Variants in NRXN3 observed in about 807,000 individuals in gnomAD.
NRXN3 encodes neurexin 3.
In NRXN3, 32 loss-of-function variants were observed where a neutral mutation model predicts 137.6. That is an observed-to-expected ratio of 0.23 (90% confidence interval 0.18 to 0.31). The LOEUF (loss-of-function observed/expected upper bound fraction) is 0.31, where lower values mean the gene tolerates loss of function less well. Among genes scored for constraint, NRXN3 ranks in the 10% least tolerant of loss-of-function variants. The probability of loss-of-function intolerance (pLI) is 1.00; values close to 1 mark genes in which losing one functional copy is unlikely to be tolerated. For synonymous variants in NRXN3, 798 were observed against 784.5 expected (o/e 1.02, Z -0.29); for missense variants, 1,574 against 2,062.5 (o/e 0.76, Z 4.59).
At chr14:78,747,230 C>A (rs1244162353) in intron 8 of NRXN3, among the ~76,000 whole-genome samples, 1 of 152,162 alleles carries the variant, frequency 6.6e-6, no homozygotes. Context: ...AAATCCTATG[C>A]GGATGTAGGT....
chr14:78,504,901 G>A (rs570894357), intron 4 of NRXN3, among the ~76,000 whole-genome samples: 3 of 152,158 alleles, frequency 2.0e-5, no homozygotes, highest in South Asian at 2.1e-4. Flanking sequence ...CATTCCATCC[G>A]GGCCCGACAA....
chr14:78,489,125 C>A (rs1269296083), intron 4 of NRXN3, among the ~76,000 whole-genome samples: 6 of 152,050 alleles, frequency 3.9e-5, no homozygotes, highest in Non-Finnish European at 7.4e-5. Flanking sequence ...GAGAACCATC[C>A]AACATTAATG....
chr14:79,828,698 G>C (rs1391073134), intron 20 of NRXN3, among the ~76,000 whole-genome samples: 14 of 141,886 alleles, frequency 9.9e-5, no homozygotes, highest in Non-Finnish European at 2.1e-4. Flanking sequence ...AAAGAGACAG[G>C]AATAGATTTG....
intron 10 of NRXN3, among the ~76,000 whole-genome samples, chr14:78,888,229 G>T (rs927459894): frequency 2.0e-5 from 3 of 152,002 alleles, no homozygotes; most frequent in African/African-American, 7.2e-5. Context: ...ATCATGATCT[G>T]CAACATGACA....
At chr14:78,921,520 C>T (rs1023915823) in intron 10 of NRXN3, among the ~76,000 whole-genome samples, 1 of 152,196 alleles carries the variant, frequency 6.6e-6, no homozygotes, top group Non-Finnish European at 1.5e-5. Context: ...GAAGTCAACA[C>T]TGAATTTCTA....
intron 15 of NRXN3, among the ~76,000 whole-genome samples, chr14:79,133,796 G>A (rs537490882): frequency 6.6e-6 from 1 of 152,024 alleles, no homozygotes; most frequent in African/African-American, 2.4e-5. Flanking sequence ...GGGCGTGGTG[G>A]TGGGCGCCTG....
chr14:79,338,450 G>GT (rs925853733), intron 15 of NRXN3, among the ~76,000 whole-genome samples: 1 of 152,076 alleles, frequency 6.6e-6, no homozygotes, highest in African/African-American at 2.4e-5. Context: ...AGTGTACTTA[G>GT]TAGAGATAGG....
intron 4 of NRXN3, among the ~76,000 whole-genome samples, chr14:78,578,836 A>G (rs1258393135): frequency 3.3e-5 from 5 of 152,176 alleles, no homozygotes; most frequent in African/African-American, 1.2e-4. Context: ...AGGCTGCTTC[A>G]TCAAGCTAGA....
intron 8 of NRXN3, among the ~76,000 whole-genome samples, chr14:78,772,146 C>G (rs1415606737): frequency 6.6e-6 from 1 of 152,116 alleles, no homozygotes; most frequent in East Asian, 1.9e-4. Flanking sequence ...AATTTTGTAG[C>G]ACTTTGGACT....
chr14:79,110,990 C>T (rs1428513577), intron 15 of NRXN3, among the ~76,000 whole-genome samples: 1 of 151,998 alleles, frequency 6.6e-6, no homozygotes, highest in African/African-American at 2.4e-5. Context: ...TGGGGTTTCA[C>T]CGTGTTAGCC....
Position 79,234,311 on chromosome 14 carries a change from TATATATATA to T in NRXN3, c.3263-232909_3263-232901del, listed in dbSNP as rs1279990890. ...AATGGTAAATATATATATATATATA[TATATATATA>T]TATATATATATATATATATAATATT... On this transcript the variant is annotated intron_variant, in intron 15 of 20. Coordinates refer to ENST00000335750, the MANE Select transcript of NRXN3 (RefSeq NM_001330195.2). Among the ~76,000 whole-genome samples the T allele has an allele frequency of 1.3e-4, 13 of 102,448 alleles. 1 individual carries two copies. The South Asian group carries it at 3.6e-3, about 28-fold the overall frequency. 67.2% of individuals were successfully genotyped at this position (102,448 alleles called of 152,430 possible). A position where few individuals can be genotyped will look rare whatever the true frequency, so the allele number is the denominator to read the frequency against.
intron 4 of NRXN3, among the ~76,000 whole-genome samples, chr14:78,351,353 A>G (rs551269071): frequency 1.2e-4 from 18 of 152,220 alleles, no homozygotes; most frequent in African/African-American, 3.6e-4. Flanking sequence ...TATACTAGAA[A>G]TGGAATTTTT....
intron 1 of NRXN3, among the ~76,000 whole-genome samples, chr14:78,172,993 G>A (rs755661793): frequency 1.3e-4 from 20 of 152,108 alleles, no homozygotes; most frequent in Non-Finnish European, 2.6e-4. Context: ...TTATATAAGG[G>A]AAAGGATGTA....
At chr14:78,860,994 G>A (rs2099070743) in intron 10 of NRXN3, among the ~76,000 whole-genome samples, 1 of 152,064 alleles carries the variant, frequency 6.6e-6, no homozygotes, top group East Asian at 1.9e-4. Flanking sequence ...TAACATCACT[G>A]CCATTACCGT....
intron 15 of NRXN3, among the ~76,000 whole-genome samples, chr14:79,156,763 A>G (rs1246674069): frequency 6.6e-6 from 1 of 151,850 alleles, no homozygotes; most frequent in Non-Finnish European, 1.5e-5. Context: ...ATTGGCAGCA[A>G]TGACTTCCAC....
intron 4 of NRXN3, among the ~76,000 whole-genome samples, chr14:78,639,817 T>A (rs773202519): frequency 2.0e-5 from 3 of 152,104 alleles, no homozygotes; most frequent in Non-Finnish European, 4.4e-5. Context: ...ATGACCCCTG[T>A]AAACTCTATG....
chr14:79,527,049 G>A (rs1047238583), intron 16 of NRXN3, among the ~76,000 whole-genome samples: 47 of 152,256 alleles, frequency 3.1e-4, no homozygotes, highest in African/African-American at 1.1e-3. Context: ...CAGTTTGGGA[G>A]GCTGAGGCAG....
intron 15 of NRXN3, among the ~76,000 whole-genome samples, chr14:79,036,061 G>A (rs972209650): frequency 1.3e-5 from 2 of 151,832 alleles, no homozygotes; most frequent in African/African-American, 4.8e-5. Context: ...GAAAAACATC[G>A]TAGTTTTTAC....
chr14:78,419,300 G>A (rs1171854802), intron 4 of NRXN3, among the ~76,000 whole-genome samples: 1 of 152,060 alleles, frequency 6.6e-6, no homozygotes, highest in African/African-American at 2.4e-5. Context: ...GTACAGTGGT[G>A]TGATCTTGGC....
Sources: allele counts gnomAD v4.1 joint callset (sites outside exome capture counted in the v4.1 genomes callset), GRCh38; gene constraint gnomAD v4.1.1; transcripts MANE v1.5; gene names NCBI Gene and HGNC (gene_info 2026-07-23, HGNC 2026-07-21).